IL36G: variants seen among roughly 807,000 people sequenced by gnomAD.
IL36G encodes interleukin 36 gamma, also known as interleukin-36 gamma.
A neutral mutation model predicts 13.5 loss-of-function variants in IL36G; 10 were observed. The ratio of observed to expected loss-of-function variants is 0.74; its 90% confidence interval spans 0.46 to 1.26. The LOEUF (loss-of-function observed/expected upper bound fraction) is 1.26, where lower values mean the gene tolerates loss of function less well. Among genes scored for constraint, IL36G ranks in the 50% most tolerant of loss-of-function variants. The pLI, the probability that IL36G is intolerant of heterozygous loss-of-function variation, is 0.00. For missense variants in IL36G, 199 were observed against 203.0 expected (o/e 0.98, Z 0.12); for synonymous variants, 84 against 74.0 (o/e 1.13, Z -0.69).
intron 3 of IL36G, among the ~76,000 whole-genome samples, chr2:112,979,727 C>T (rs1684230462): frequency 6.6e-6 from 1 of 152,152 alleles, no homozygotes; most frequent in Non-Finnish European, 1.5e-5. Context: ...TGTAGGAGCT[C>T]CCCATCTCCA....
In IL36G at chr2:112,985,365, A is replaced by G; in HGVS notation, c.*316A>G. The G allele has an allele frequency of 3.2e-6, 1 of 316,860 alleles. No homozygotes were observed. Among genetic ancestry groups the G allele is most frequent in the Non-Finnish European group, 5.9e-6 (1 of 168,634 alleles). 19.6% of individuals were successfully genotyped at this position (316,860 alleles called of 1,614,324 possible). On this transcript the variant is annotated 3_prime_UTR_variant, in exon 5 of 5. Coordinates refer to ENST00000259205, the MANE Select transcript of IL36G (RefSeq NM_019618.4). ...ACTGAGCTTTCTTCTAGGGGTGGGT[A>G]TGAAGATGCTTCAGAGCTCATGCGC...
chr2:112,979,199 T>A (rs371714534), intron 2 of IL36G, 22 bp from the exon 3 acceptor site: 134 of 1,462,930 alleles, frequency 9.2e-5, no homozygotes, highest in Non-Finnish European at 1.2e-4. Context: ...TTTCTTCATT[T>A]TTTTCTCTAT....
At chr2:112,983,869 AT>A (rs902874544) in intron 4 of IL36G, among the ~76,000 whole-genome samples, 2 of 152,218 alleles carry the variant, frequency 1.3e-5, no homozygotes, top group Non-Finnish European at 2.9e-5. Flanking sequence ...CAAGGAGAAC[AT>A]TTAGAAGGTC....
chr2:112,978,575 G>A, intron 1 of IL36G, 45 bp from the exon 2 acceptor site: 2 of 1,507,474 alleles, frequency 1.3e-6, no homozygotes, highest in Admixed American at 1.7e-5. Context: ...GGAAGGTCTT[G>A]GAAACATCTC....
At chr2:112,979,168 A>T in intron 2 of IL36G, 53 bp from the exon 3 acceptor site, 1 of 1,210,644 alleles carries the variant, frequency 8.3e-7, no homozygotes, top group Non-Finnish European at 1.2e-6. Flanking sequence ...TGGGTCTAGT[A>T]AAGCAGCCTT....
intron 4 of IL36G, 59 bp from the exon 5 acceptor site, chr2:112,984,781 C>A: frequency 1.5e-6 from 2 of 1,365,488 alleles, no homozygotes; most frequent in Non-Finnish European, 2.1e-6. Flanking sequence ...TTATGAATAA[C>A]CTTGAATATC....
intron 2 of IL36G, 69 bp from the exon 3 acceptor site, chr2:112,979,152 T>C (rs1351576139): frequency 9.7e-7 from 1 of 1,031,098 alleles, no homozygotes; most frequent in Non-Finnish European, 1.5e-6. Flanking sequence ...TTAGATACTT[T>C]TCTCCTGGGT....
intron 4 of IL36G, chr2:112,981,284 TTC>T (rs1235828621): frequency 1.5e-6 from 2 of 1,299,180 alleles, no homozygotes; most frequent in Non-Finnish European, 2.2e-6. Flanking sequence ...TTTGGGTACC[TTC>T]TCTCCCTTCT....
In IL36G at chr2:112,984,970, A is replaced by G. The variant is rs535322437; in HGVS notation, c.431A>G (p.Lys144Arg). The change falls in exon 5 of 5, where the codon AAG becomes AGG. Residue 144 changes from lysine (K) to arginine (R), a missense_variant. Coordinates refer to ENST00000259205, the MANE Select transcript of IL36G (RefSeq NM_019618.4). ...CCGGACTGGTTCATTGCCTCCTCCAAGAGAGACCAGCCCATCATTCTGACT... is the reference window on the plus strand; with the variant it reads ...CCGGACTGGTTCATTGCCTCCTCCAGGAGAGACCAGCCCATCATTCTGACT... Reference protein sequence around the residue: ...AFPDWFIASSKRDQPIILTSE... With the variant: ...AFPDWFIASSRRDQPIILTSE... 6.2e-6 allele frequency: 10 copies of G among 1,613,974 alleles called. No individual in the cohort carries two copies. Among genetic ancestry groups the G allele is most frequent in the Non-Finnish European group, 7.6e-6 (9 of 1,180,020 alleles).
intron 1 of IL36G, 136 bp from the exon 2 acceptor site, chr2:112,978,484 A>G: frequency 2.9e-6 from 2 of 686,526 alleles, no homozygotes; most frequent in Non-Finnish European, 5.2e-6. Context: ...GATGTGGCTC[A>G]GAACTTCTGC....
At chr2:112,983,568 G>T (rs1370028699) in intron 4 of IL36G, among the ~76,000 whole-genome samples, 1 of 152,074 alleles carries the variant, frequency 6.6e-6, no homozygotes, top group East Asian at 1.9e-4. Flanking sequence ...GGTGTGAGGT[G>T]CAGGGAGAGT....
At position 112,980,036 on chromosome 2, in the gene IL36G, A is replaced by T; in HGVS notation, c.188A>T (p.Tyr63Phe). 2 of 1,613,874 alleles carry T rather than the reference A, an allele frequency of 1.2e-6. No homozygotes were observed. Among genetic ancestry groups the T allele is most frequent in the African/African-American group, 1.3e-5 (1 of 75,038 alleles). Reference sequence around the variant, plus strand: ...ACTGTTGCTGTTATCACATGCAAGTATCCAGAGGCTCTTGAGCAAGGCAGA... The same window carrying T: ...ACTGTTGCTGTTATCACATGCAAGTTTCCAGAGGCTCTTGAGCAAGGCAGA... Reference protein sequence around the residue: ...PVTVAVITCKYPEALEQGRGD... With the variant: ...PVTVAVITCKFPEALEQGRGD... Residue 63 changes from tyrosine (Y) to phenylalanine (F), a missense_variant, in exon 4 of 5, where the codon TAT becomes TTT. Tyr to Phe is a conservative substitution (Grantham distance 22). Coordinates refer to ENST00000259205, the MANE Select transcript of IL36G (RefSeq NM_019618.4).
chr2:112,981,156 A>T, intron 4 of IL36G: 1 of 1,101,238 alleles, frequency 9.1e-7, no homozygotes, highest in South Asian at 1.2e-5. Flanking sequence ...TCAAAAATGC[A>T]CACACTACAC....
chr2:112,980,081 G>A lies in IL36G; in HGVS notation c.233G>A (p.Gly78Glu), dbSNP rs143518613. 1.2e-6 allele frequency: 2 copies of A among 1,614,020 alleles called. No individual in the cohort carries two copies. Among genetic ancestry groups the A allele is most frequent in the East Asian group, 2.2e-5 (1 of 44,878 alleles). Residue 78 changes from glycine to glutamate, a missense_variant, in exon 4 of 5, where the codon GGA (glycine) becomes GAA (glutamate). Gly to Glu is a moderately conservative substitution (Grantham distance 98). Transcript: ENST00000259205. ...GGCAGAGGGGATCCCATTTATTTGG[G>A]AATCCAGAATCCAGAAATGTGTTTG... ...EQGRGDPIYL[G>E]IQNPEMCLYC...
Position 112,980,138 on chromosome 2 carries a change from T to G in IL36G, c.290T>G (p.Leu97Trp), listed in dbSNP as rs1438935673. The G allele has an allele frequency of 6.2e-7, 1 of 1,613,604 alleles. No homozygotes were observed. The highest frequency in any genetic ancestry group is 8.5e-7 in the Non-Finnish European group (1 of 1,179,870). Residue 97 changes from leucine (L) to tryptophan (W), a missense_variant, in exon 4 of 5, where the codon TTG becomes TGG. Transcript: ENST00000259205. ...GAGAAGGTTGGAGAACAGCCCACAT[T>G]GCAGCTAAAAGTGAGTAGCTAAGAA... The part of the protein sequence containing the change: ...YCEKVGEQPT[L>W]QLKEQKIMDL...
rs576182352 is a variant in IL36G, at chr2:112,985,389, G to C, written c.*340G>C. 1.1e-5 allele frequency: 3 copies of C among 273,246 alleles called. No individual in the cohort carries two copies. The highest frequency in any genetic ancestry group is 5.0e-5 in the Admixed American group (1 of 20,196). 16.9% of individuals were successfully genotyped at this position (273,246 alleles called of 1,614,324 possible). On this transcript the variant is annotated 3_prime_UTR_variant, in exon 5 of 5. Coordinates refer to ENST00000259205, the MANE Select transcript of IL36G (RefSeq NM_019618.4). ...TATGAAGATGCTTCAGAGCTCATGC[G>C]CGTTACCCACGATGGCATGACTAGC...
chr2:112,979,558 G>A (rs1265275873), intron 3 of IL36G, among the ~76,000 whole-genome samples: 1 of 152,220 alleles, frequency 6.6e-6, no homozygotes, highest in East Asian at 1.9e-4. Context: ...GTCATCTGAA[G>A]CCCTGTCTTA....
In IL36G at chr2:112,980,047, C is replaced by G. The variant is rs1684236187; in HGVS notation, c.199C>G (p.Leu67Val). ...AVITCKYPEALEQGRGDPIYL... is the reference protein window; with the variant it reads ...AVITCKYPEAVEQGRGDPIYL... ...TATCACATGCAAGTATCCAGAGGCTCTTGAGCAAGGCAGAGGGGATCCCAT... is the reference window on the plus strand; with the variant it reads ...TATCACATGCAAGTATCCAGAGGCTGTTGAGCAAGGCAGAGGGGATCCCAT... The change falls in exon 4 of 5, where the codon CTT becomes GTT. Residue 67 changes from leucine to valine, a missense_variant. Coordinates refer to ENST00000259205, the MANE Select transcript of IL36G (RefSeq NM_019618.4). 7 of 1,613,720 alleles carry G rather than the reference C, an allele frequency of 4.3e-6. No homozygotes were observed. Among genetic ancestry groups the G allele is most frequent in the Non-Finnish European group, 5.9e-6 (7 of 1,179,764 alleles).
chr2:112,983,374 A>G (rs570640317), intron 4 of IL36G, among the ~76,000 whole-genome samples: 3 of 152,234 alleles, frequency 2.0e-5, no homozygotes, highest in African/African-American at 7.2e-5. Flanking sequence ...GGATTGATGA[A>G]TAAATACGCT....
Sources: gnomAD v4.1 joint callset for allele counts (sites outside exome capture counted in the v4.1 genomes callset) on GRCh38, gnomAD v4.1.1 for gene constraint, MANE v1.5 for transcripts, NCBI Gene and HGNC (gene_info 2026-07-23, HGNC 2026-07-21) for gene names.